The following PPM1L variants were observed in gnomAD, a reference collection of about 807,000 sequenced individuals.
PPM1L encodes protein phosphatase, Mg2+/Mn2+ dependent 1L.
A neutral mutation model predicts 31.4 loss-of-function variants in PPM1L; 13 were observed. The observed-to-expected ratio is 0.41, with a 90% CI of 0.27 to 0.66. The LOEUF (loss-of-function observed/expected upper bound fraction) is 0.66. Among genes scored for constraint, PPM1L ranks in the 30% least tolerant of loss-of-function variants. The probability of loss-of-function intolerance (pLI) is 0.29; values close to 1 mark genes in which losing one functional copy is unlikely to be tolerated. For missense variants in PPM1L, 326 were observed against 453.7 expected (o/e 0.72, Z 2.56); for synonymous variants, 184 against 175.4 (o/e 1.05, Z -0.39).
chr3:160,961,600 G>A (rs1199352149), intron 1 of PPM1L, 136 bp from the exon 2 acceptor site: 6 of 587,762 alleles, frequency 1.0e-5, no homozygotes, highest in African/African-American at 1.9e-5. Context: ...TAAAAATGAC[G>A]ATGACAAGGA....
chr3:160,981,286 A>C (rs1716788455), intron 2 of PPM1L, among the ~76,000 whole-genome samples: 1 of 152,184 alleles, frequency 6.6e-6, no homozygotes, highest in African/African-American at 2.4e-5. Context: ...AGTTGCATTC[A>C]AGCTGTCAGC....
intron 1 of PPM1L, among the ~76,000 whole-genome samples, chr3:160,814,595 G>A (rs944328360): frequency 5.1e-5 from 6 of 118,800 alleles, no homozygotes; most frequent in African/African-American, 2.1e-4. Flanking sequence ...ACACACATAT[G>A]TATGTATGTG....
intron 1 of PPM1L, among the ~76,000 whole-genome samples, chr3:160,914,181 C>G (rs1434032980): frequency 6.6e-6 from 1 of 152,116 alleles, no homozygotes; most frequent in Non-Finnish European, 1.5e-5. Flanking sequence ...TCTTTGGTGA[C>G]TACTAATATG....
At chr3:160,957,047 T>G (rs1189182412) in intron 1 of PPM1L, among the ~76,000 whole-genome samples, 1 of 152,216 alleles carries the variant, frequency 6.6e-6, no homozygotes, top group East Asian at 1.9e-4. Context: ...TGTTGGATGC[T>G]CTTAGATGTT....
rs115394349 is a variant in PPM1L at position 160,780,834 on chromosome 3, C to T, written c.399+24127C>T. 8.6e-3 allele frequency among the ~76,000 whole-genome samples: 1,316 copies of T among 152,198 alleles called. 26 individuals carry two copies. Among genetic ancestry groups the T allele is most frequent in the African/African-American group, 0.03 (1,258 of 41,516 alleles). ...TAGACAGACATATTTTTAGGGCACA[C>T]ATGGTTCAGTTCTTTTTTGAAATAC... On this transcript the variant is annotated intron_variant, in intron 1 of 3. Transcript: ENST00000498165.
Position 161,068,879 on chromosome 3 carries a change from G to A in PPM1L, c.805G>A (p.Asp269Asn). ...CCTGGCCATGTCTCGGTCCCTGGGG[G>A]ATTATCCGCTGAAAAATCTCAACGT... is the stretch of plus-strand genomic sequence containing the variant. ...GILAMSRSLG[D>N]YPLKNLNVVI... is the part of the protein sequence containing the mutation. Residue 269 changes from aspartate (D) to asparagine (N), a missense_variant, in exon 4 of 4, where the codon GAT becomes AAT. Around this residue, in one of 3 missense-constraint regions of PPM1L, gnomAD observed 201 missense variants for 298.2 expected, o/e 0.67. Transcript: ENST00000498165. 4 of 1,614,158 alleles carry A rather than the reference G, an allele frequency of 2.5e-6. No homozygotes were observed. Among genetic ancestry groups the A allele is most frequent in the Non-Finnish European group, 3.4e-6 (4 of 1,180,030 alleles).
rs1334164623 is a variant in PPM1L at position 160,825,732 on chromosome 3, A to AT, written c.399+69032dup. Among the ~76,000 whole-genome samples, 9 of 152,234 alleles carry AT rather than the reference A, an allele frequency of 5.9e-5. No individual in the cohort carries two copies. In the East Asian group the frequency reaches 9.7e-4, roughly 16 times the overall value. ...CGTTAAAACAGTGTCAGATTTGACAATTTTTTTGAGCCAGTGGTATTTGTA... is the reference window on the plus strand; with the variant it reads ...CGTTAAAACAGTGTCAGATTTGACAATTTTTTTTGAGCCAGTGGTATTTGTA... On this transcript the variant is annotated intron_variant, in intron 1 of 3. Transcript: ENST00000498165.
At chr3:161,056,507 T>C (rs921471155) in intron 2 of PPM1L, among the ~76,000 whole-genome samples, 2 of 152,092 alleles carry the variant, frequency 1.3e-5, no homozygotes, top group African/African-American at 4.8e-5. Flanking sequence ...TAAATTCATC[T>C]GAATACAGAA....
intron 2 of PPM1L, among the ~76,000 whole-genome samples, chr3:160,998,190 A>G (rs1458650833): frequency 6.6e-6 from 1 of 152,206 alleles, no homozygotes; most frequent in Non-Finnish European, 1.5e-5. Flanking sequence ...TAAAAATGAC[A>G]TAATGAAAGT....
intron 1 of PPM1L, among the ~76,000 whole-genome samples, chr3:160,845,190 A>G (rs1714036979): frequency 6.6e-6 from 1 of 152,082 alleles, no homozygotes; most frequent in Non-Finnish European, 1.5e-5. Flanking sequence ...TTTGGCTACT[A>G]TGAATAATGC....
Position 160,756,539 on chromosome 3 carries a change from G to T in PPM1L, c.231G>T (p.Val77=), listed in dbSNP as rs769534982. 3 of 1,614,132 alleles carry T rather than the reference G, an allele frequency of 1.9e-6. No individual in the cohort carries two copies. The highest frequency in any genetic ancestry group is 2.7e-5 in the African/African-American group (2 of 75,034). Residue 77 remains valine, a synonymous_variant, in exon 1 of 4, where the codon GTG becomes GTT. Transcript: ENST00000498165. The surrounding 1 kb of genome is among the most constrained non-coding windows in gnomAD (Gnocchi z 6.2). ...ACGATCGACTCGGGGGGCTTGATGT[G>T]CTCGAGGCCGAGTTTTCCAAGACCT... ...MQNDRLGGLD[V]LEAEFSKTWE...
At chr3:160,768,994 C>A (rs1487932898) in intron 1 of PPM1L, among the ~76,000 whole-genome samples, 1 of 152,140 alleles carries the variant, frequency 6.6e-6, no homozygotes, top group Non-Finnish European at 1.5e-5. Context: ...TTATATCTGT[C>A]CCGTTCTTTT....
intron 1 of PPM1L, among the ~76,000 whole-genome samples, chr3:160,865,774 C>T (rs542724965): frequency 6.6e-6 from 1 of 152,278 alleles, no homozygotes; most frequent in South Asian, 2.1e-4. Context: ...GACTCCGTCT[C>T]ATAAATAAAT....
intron 1 of PPM1L, among the ~76,000 whole-genome samples, chr3:160,940,472 G>A (rs1467614050): frequency 6.6e-6 from 1 of 152,126 alleles, no homozygotes; most frequent in African/African-American, 2.4e-5. Flanking sequence ...CTGGGCGCAG[G>A]GTCCCTGTGC....
intron 2 of PPM1L, among the ~76,000 whole-genome samples, chr3:161,021,992 T>C (rs1204374203): frequency 6.6e-6 from 1 of 152,116 alleles, no homozygotes; most frequent in African/African-American, 2.4e-5. Flanking sequence ...AATTCATTTA[T>C]GTTTAAGGTA....
At chr3:160,959,340 G>A (rs1715880131) in intron 1 of PPM1L, among the ~76,000 whole-genome samples, 1 of 152,056 alleles carries the variant, frequency 6.6e-6, no homozygotes, top group Non-Finnish European at 1.5e-5. Context: ...TAAATATTGG[G>A]TACAGTGTAC....
chr3:160,764,392 T>G (rs141526721), intron 1 of PPM1L, among the ~76,000 whole-genome samples: 2,490 of 152,280 alleles, frequency 0.016, 61 homozygotes, highest in African/African-American at 0.056. Context: ...CTTTGTATAA[T>G]TCTATAAACA....
At chr3:161,021,593 TC>T in intron 2 of PPM1L, among the ~76,000 whole-genome samples, 1 of 152,076 alleles carries the variant, frequency 6.6e-6, no homozygotes, top group Non-Finnish European at 1.5e-5. Context: ...ATCTTCTGCC[TC>T]GTTCTATCTA....
intron 2 of PPM1L, among the ~76,000 whole-genome samples, chr3:161,002,084 G>A (rs9682995): frequency 0.047 from 7,061 of 150,756 alleles, 423 homozygotes; most frequent in African/African-American, 0.12. Context: ...GAGAATATGC[G>A]GTGTTTGGTT....
Sources: gnomAD v4.1 joint callset for allele counts (sites outside exome capture counted in the v4.1 genomes callset) on GRCh38, gnomAD v4.1.1 for gene constraint, gnomAD v4.1.1 regional missense constraint, Gnocchi (gnomAD v3.1) non-coding constraint, MANE v1.5 for transcripts, NCBI Gene and HGNC (gene_info 2026-07-23, HGNC 2026-07-21) for gene names.